EDN1: variants seen among roughly 807,000 people sequenced by gnomAD.
The protein encoded by EDN1 is endothelin-1.
In EDN1, 11 loss-of-function variants were observed where a neutral mutation model predicts 21.7. The ratio of observed to expected loss-of-function variants is 0.51; its 90% confidence interval spans 0.32 to 0.84. The LOEUF is 0.84. EDN1 is among the 40% of genes least tolerant of loss of function. The pLI, the probability that EDN1 is intolerant of heterozygous loss-of-function variation, is 0.03. For missense variants in EDN1, 244 were observed against 262.3 expected, an observed-to-expected ratio of 0.93 and a Z score of 0.48; for synonymous variants, 85 against 90.6, an observed-to-expected ratio of 0.94 and a Z score of 0.35.
chr6:12,296,165 C>T lies in EDN1; in HGVS notation c.*98C>T. 2 of 1,084,960 alleles carry T rather than the reference C, an allele frequency of 1.8e-6. No homozygotes were observed. The highest frequency in any genetic ancestry group is 2.8e-6 in the Non-Finnish European group (2 of 702,558). 67.2% of individuals were successfully genotyped at this position (1,084,960 alleles called of 1,614,324 possible). On this transcript the variant is annotated 3_prime_UTR_variant, in exon 5 of 5. Transcript: ENST00000379375. ...TGGCTGGGATCAGAGCAGGAGCATC[C>T]TCTGCTGGTTCCTGACTGGCAAAGG...
chr6:12,258,032 TTAC>T, the EDN1 span, among the ~76,000 whole-genome samples: 1 of 151,962 alleles, frequency 6.6e-6, no homozygotes, highest in African/African-American at 2.4e-5. Flanking sequence ...TCTGACACGA[TTAC>T]TACTATTAAA....
the EDN1 span, among the ~76,000 whole-genome samples, chr6:12,276,621 T>C: frequency 2.0e-5 from 3 of 152,184 alleles, no homozygotes; most frequent in Non-Finnish European, 4.4e-5. Context: ...TTCATAAATA[T>C]GTACGTTGGA....
Position 12,294,387 on chromosome 6 carries a change from A to T in EDN1, c.516A>T (p.Glu172Asp), listed in dbSNP as rs1342307965. ...GAAAAATCAGAAGAAGTTCAGAGGAACACCTAAGACAAACCAGGTAAGAGG... is the reference window on the plus strand; with the variant it reads ...GAAAAATCAGAAGAAGTTCAGAGGATCACCTAAGACAAACCAGGTAAGAGG... ...RGRKIRRSSEEHLRQTRSETM... is the reference protein window; with the variant it reads ...RGRKIRRSSEDHLRQTRSETM... Residue 172 changes from glutamate (E) to aspartate (D), a missense_variant, in exon 4 of 5, where the codon GAA (glutamate) becomes GAT (aspartate). Glu to Asp is a conservative substitution (Grantham distance 45). Coordinates refer to ENST00000379375, the MANE Select transcript of EDN1 (RefSeq NM_001955.5). The T allele has an allele frequency of 6.2e-7, 1 of 1,614,172 alleles. No individual in the cohort carries two copies. Among genetic ancestry groups the T allele is most frequent in the African/African-American group, 1.3e-5 (1 of 75,036 alleles).
chr6:12,234,278 A>C, the EDN1 span, among the ~76,000 whole-genome samples: 5 of 152,150 alleles, frequency 3.3e-5, no homozygotes, highest in African/African-American at 1.2e-4. Context: ...AGGATCTGAA[A>C]ACTGACTCCC....
At chr6:12,278,000 T>C in the EDN1 span, among the ~76,000 whole-genome samples, 1 of 152,244 alleles carries the variant, frequency 6.6e-6, no homozygotes, top group Non-Finnish European at 1.5e-5. Flanking sequence ...TGGGACTTGG[T>C]TATGAATTAA....
upstream of EDN1, among the ~76,000 whole-genome samples, chr6:12,286,102 A>G (rs75271097): frequency 0.028 from 4,226 of 152,372 alleles, 100 homozygotes; most frequent in Admixed American, 0.071. Context: ...GTAAAAATGT[A>G]CAGGTGGCAC....
At chr6:12,294,920 C>G (rs79711440) in intron 4 of EDN1, among the ~76,000 whole-genome samples, 1 of 107,624 alleles carries the variant, frequency 9.3e-6, no homozygotes, top group Admixed American at 1.1e-4. Context: ...GGTTTATGGT[C>G]TTTTTTTTTT....
the EDN1 span, among the ~76,000 whole-genome samples, chr6:12,261,598 A>G: frequency 6.6e-6 from 1 of 152,192 alleles, no homozygotes; most frequent in African/African-American, 2.4e-5. Context: ...AAGGCTGAAT[A>G]TTCACACAGG....
chr6:12,269,739 G>A, the EDN1 span, among the ~76,000 whole-genome samples: 2 of 151,858 alleles, frequency 1.3e-5, no homozygotes, highest in African/African-American at 4.8e-5. Flanking sequence ...TTGCATCCAT[G>A]TTCATCAGGG....
chr6:12,257,473 A>G, the EDN1 span, among the ~76,000 whole-genome samples: 1 of 152,174 alleles, frequency 6.6e-6, no homozygotes, highest in Non-Finnish European at 1.5e-5. Flanking sequence ...TTACATGCTT[A>G]ATGAGGGATT....
the EDN1 span, among the ~76,000 whole-genome samples, chr6:12,267,457 G>A: frequency 6.6e-6 from 1 of 152,152 alleles, no homozygotes; most frequent in Non-Finnish European, 1.5e-5. Flanking sequence ...AGTAGTCTGG[G>A]TAGAAGAACA....
At chr6:12,287,694 T>TCTCTCTCTCC, upstream of EDN1, among the ~76,000 whole-genome samples, 1 of 71,486 alleles carries the variant, frequency 1.4e-5, no homozygotes, top group Non-Finnish European at 3.1e-5. Flanking sequence ...TCTCCCTCTC[T>TCTCTCTCTCC]CTCTCTCTCT....
Position 12,294,024 on chromosome 6 carries a change from A to C in EDN1, c.317A>C (p.Glu106Ala). 1 of 1,614,238 alleles carries C rather than the reference A, an allele frequency of 6.2e-7. No homozygotes were observed. Among genetic ancestry groups the C allele is most frequent in the South Asian group, 1.1e-5 (1 of 91,088 alleles). The change falls in exon 3 of 5, where the codon GAA (glutamate) becomes GCA (alanine). Residue 106 changes from glutamate (E) to alanine (A), a missense_variant. Glu to Ala is a moderately radical substitution (Grantham distance 107). Transcript: ENST00000379375. ...CTTCCCACAAAGGCAACAGACCGTG[A>C]AAATAGATGCCAATGTGCTAGCCAA... The part of the protein sequence containing the change: ...NLLPTKATDR[E>A]NRCQCASQKD...
In EDN1 at chr6:12,290,499, AG is replaced by A; in HGVS notation, c.-128del. ...GGCGCTGCCTTTTCTCCCCGTTAAA[AG>A]GGCACTTGGGCTGAAGGATCGCTTT... On this transcript the variant is annotated 5_prime_UTR_variant, in exon 1 of 5. Transcript: ENST00000379375. The A allele has an allele frequency of 1.4e-6, 1 of 711,238 alleles. No homozygotes were observed. The highest frequency in any genetic ancestry group is 1.6e-5 in the South Asian group (1 of 64,108). 44.1% of individuals were successfully genotyped at this position (711,238 alleles called of 1,614,324 possible).
the EDN1 span, among the ~76,000 whole-genome samples, chr6:12,232,793 C>T: frequency 2.6e-5 from 4 of 152,186 alleles, no homozygotes; most frequent in Admixed American, 2.0e-4. Context: ...CATGCATATA[C>T]CTTTTGGTTA....
At chr6:12,281,550 G>A in the EDN1 span, among the ~76,000 whole-genome samples, 292 of 152,368 alleles carry the variant, frequency 1.9e-3, 3 homozygotes, top group African/African-American at 6.7e-3. Flanking sequence ...CTATCTGAGT[G>A]AGGAGTTGAT....
chr6:12,290,492 C>T lies in EDN1; in HGVS notation c.-138C>T. On this transcript the variant is annotated 5_prime_UTR_variant, in exon 1 of 5. Transcript: ENST00000379375. ...CCTGGCAGGCGCTGCCTTTTCTCCC[C>T]GTTAAAAGGGCACTTGGGCTGAAGG... The T allele has an allele frequency of 6.1e-6, 4 of 653,490 alleles. No individual in the cohort carries two copies. The highest frequency in any genetic ancestry group is 7.7e-6 in the Non-Finnish European group (3 of 390,262). 40.5% of individuals were successfully genotyped at this position (653,490 alleles called of 1,614,324 possible). A position where few individuals can be genotyped will look rare whatever the true frequency, so the allele number is the denominator to read the frequency against.
At chr6:12,232,265 A>G in the EDN1 span, among the ~76,000 whole-genome samples, 139 of 149,170 alleles carry the variant, frequency 9.3e-4, no homozygotes, top group African/African-American at 3.3e-3. Context: ...ATTATAATAT[A>G]CACTTTATAT....
chr6:12,250,955 G>C, the EDN1 span, among the ~76,000 whole-genome samples: 45,453 of 152,038 alleles, frequency 0.3, 8,338 homozygotes, highest in South Asian at 0.47. Context: ...AATCCAACAA[G>C]TCATTTCTGC....
Sources: allele counts gnomAD v4.1 joint callset (sites outside exome capture counted in the v4.1 genomes callset), GRCh38; gene constraint gnomAD v4.1.1; transcripts MANE v1.5; gene names NCBI Gene and HGNC (gene_info 2026-07-23, HGNC 2026-07-21).